EYS: variants seen among roughly 807,000 people sequenced by gnomAD.
EYS encodes the protein EGF-like photoreceptor maintenance factor.
Under a neutral mutation model 282.1 loss-of-function variants are expected in EYS, and 250 were observed. That is an observed-to-expected ratio of 0.89 (90% CI 0.80 to 0.98). EYS has a LOEUF of 0.98. EYS is among the 50% of genes least tolerant of loss of function. The pLI is 0.00. For synonymous variants in EYS, 1,355 were observed against 1,282.9 expected (o/e 1.06, Z -1.20); for missense variants, 4,016 against 3,709.0 (o/e 1.08, Z -2.15).
intron 2 of EYS, among the ~76,000 whole-genome samples, chr6:65,624,993 T>C (rs1766645905): frequency 6.6e-6 from 1 of 152,126 alleles, no homozygotes; most frequent in South Asian, 2.1e-4. Context: ...ATTAATGTTG[T>C]TCCTCTAGTG....
At chr6:65,110,863 A>G (rs1315442755) in intron 12 of EYS, among the ~76,000 whole-genome samples, 1 of 152,160 alleles carries the variant, frequency 6.6e-6, no homozygotes, top group Non-Finnish European at 1.5e-5. Flanking sequence ...TAAAATTTAT[A>G]TATTAGAAAG....
At chr6:64,381,598 G>A (rs1418572154) in intron 29 of EYS, among the ~76,000 whole-genome samples, 4 of 152,038 alleles carry the variant, frequency 2.6e-5, no homozygotes, top group African/African-American at 4.8e-5. Context: ...GTAAGTGGAC[G>A]TTATTGTTGT....
At chr6:64,674,498 G>A (rs1769582258) in intron 22 of EYS, among the ~76,000 whole-genome samples, 1 of 151,988 alleles carries the variant, frequency 6.6e-6, no homozygotes, top group African/African-American at 2.4e-5. Context: ...AACCCTAAGA[G>A]GCAGTTCAGA....
chr6:65,000,778 A>G (rs917764883), intron 13 of EYS, among the ~76,000 whole-genome samples: 1 of 152,250 alleles, frequency 6.6e-6, no homozygotes, highest in African/African-American at 2.4e-5. Context: ...ACTCCATTAA[A>G]AAACAAACAA....
intron 12 of EYS, among the ~76,000 whole-genome samples, chr6:65,132,187 A>C (rs1016439194): frequency 6.6e-6 from 1 of 152,034 alleles, no homozygotes; most frequent in Non-Finnish European, 1.5e-5. Context: ...ATTGAGGAGG[A>C]GGGATTCCTT....
chr6:65,618,070 T>G (rs1425377290), intron 2 of EYS, among the ~76,000 whole-genome samples: 2 of 152,298 alleles, frequency 1.3e-5, no homozygotes, highest in South Asian at 2.1e-4. Context: ...ATATACCCAG[T>G]AATGGGATGG....
chr6:65,371,729 CTCTCTCTCTCTCTGTGTGTG>C lies in EYS; in HGVS notation c.1299+12637_1299+12656del, dbSNP rs775714496. Among the ~76,000 whole-genome samples the C allele has an allele frequency of 6.0e-3, 357 of 59,612 alleles. 3 individuals carry two copies. Among genetic ancestry groups the C allele is most frequent in the Non-Finnish European group, 9.5e-3 (222 of 23,280 alleles). The allele number at this position is 59,612 out of a possible 152,430, so 39.1% of individuals were successfully genotyped here. On this transcript the variant is annotated intron_variant, in intron 8 of 42. Transcript: ENST00000503581. ...TCTCCCTCTCTCTCTCTCTCTCTCT[CTCTCTCTCTCTCTGTGTGTG>C]TGTGTGTGTGTGTGTGTGTGTGTGT...
At chr6:64,592,330 G>A (rs967819921) in intron 25 of EYS, among the ~76,000 whole-genome samples, 4 of 152,102 alleles carry the variant, frequency 2.6e-5, no homozygotes, top group African/African-American at 9.7e-5. Flanking sequence ...ACCAATGAAT[G>A]TTTGACCCAT....
rs536291244 is a variant in EYS at position 64,390,207 on chromosome 6, G to A, written c.5928-1367C>T. On this transcript the variant is annotated intron_variant, in intron 28 of 42. Coordinates refer to ENST00000503581, the MANE Select transcript of EYS (RefSeq NM_001142800.2). Reference sequence around the variant, plus strand: ...CAGCGAGGCTGGGGGAGGGGTGCCCGCCATTGCCCAGGCTTGATTAGGTAA... The same window carrying A: ...CAGCGAGGCTGGGGGAGGGGTGCCCACCATTGCCCAGGCTTGATTAGGTAA... Among the ~76,000 whole-genome samples the A allele has an allele frequency of 4.7e-3, 708 of 152,206 alleles. 3 individuals are homozygous for A. The highest frequency in any genetic ancestry group is 7.4e-3 in the African/African-American group (306 of 41,544).
At chr6:64,171,237 C>T (rs1443985336) in intron 31 of EYS, among the ~76,000 whole-genome samples, 3 of 152,148 alleles carry the variant, frequency 2.0e-5, no homozygotes, top group Non-Finnish European at 4.4e-5. Flanking sequence ...ATACTCTTGA[C>T]TGTTTCTCTG....
intron 14 of EYS, among the ~76,000 whole-genome samples, chr6:64,952,453 T>C (rs189725977): frequency 6.6e-6 from 1 of 151,982 alleles, no homozygotes; most frequent in Non-Finnish European, 1.5e-5. Context: ...TAGTGTAATA[T>C]CTAACATAGT....
Position 64,296,573 on chromosome 6 carries a change from TATATATATATACATATATATATA to T in EYS, c.6191+10374_6191+10396del, listed in dbSNP as rs1769013199. ...ATATATATATATATATATATATATA[TATATATATATACATATATATATA>T]TATTTTTTTTTTTTTTTTTTTTTTT... On this transcript the variant is annotated intron_variant, in intron 30 of 42. Coordinates refer to ENST00000503581, the MANE Select transcript of EYS (RefSeq NM_001142800.2). Among the ~76,000 whole-genome samples, 46 of 7,924 alleles carry T rather than the reference TATATATATATACATATATATATA, an allele frequency of 5.8e-3. 1 individual carries two copies. The highest frequency in any genetic ancestry group is 0.019 in the African/African-American group (42 of 2,180). The allele number at this position is 7,924 out of a possible 152,430, so 5.2% of individuals were successfully genotyped here.
intron 8 of EYS, among the ~76,000 whole-genome samples, chr6:65,356,124 A>T (rs538197223): frequency 6.6e-6 from 1 of 152,068 alleles, no homozygotes; most frequent in Non-Finnish European, 1.5e-5. Flanking sequence ...TTATACACAC[A>T]TACACATACA....
At chr6:64,111,367 G>A (rs115176368) in intron 31 of EYS, among the ~76,000 whole-genome samples, 1 of 151,994 alleles carries the variant, frequency 6.6e-6, no homozygotes, top group Admixed American at 6.6e-5. Flanking sequence ...GAGAAAAAGA[G>A]GCTATAGGAG....
At chr6:64,791,711 T>C (rs1423325491) in intron 22 of EYS, among the ~76,000 whole-genome samples, 1 of 151,898 alleles carries the variant, frequency 6.6e-6, no homozygotes, top group Non-Finnish European at 1.5e-5. Context: ...TGTAAACTAA[T>C]AAATACTAAT....
chr6:64,313,804 G>A (rs1769824834), intron 29 of EYS, among the ~76,000 whole-genome samples: 1 of 152,112 alleles, frequency 6.6e-6, no homozygotes, highest in Non-Finnish European at 1.5e-5. Context: ...ATTCATTACA[G>A]ACAAGCAAAT....
intron 30 of EYS, among the ~76,000 whole-genome samples, chr6:64,281,857 AAAGT>A (rs1768321082): frequency 6.6e-6 from 1 of 152,144 alleles, no homozygotes; most frequent in Non-Finnish European, 1.5e-5. Flanking sequence ...GCAAATATAG[AAAGT>A]AAGAAGATTG....
chr6:64,330,210 G>A lies in EYS; in HGVS notation c.6079-23128C>T, dbSNP rs146072643. Among the ~76,000 whole-genome samples, 653 of 152,300 alleles carry A rather than the reference G, an allele frequency of 4.3e-3. 5 individuals are homozygous for A. The highest frequency in any genetic ancestry group is 0.015 in the African/African-American group (617 of 41,560). On this transcript the variant is annotated intron_variant, in intron 29 of 42. Coordinates refer to ENST00000503581, the MANE Select transcript of EYS (RefSeq NM_001142800.2). ...GTGTCTAAGGAAAAGGCACAAATCT[G>A]TGGCCAAAGAGCAAGGTATCTTGGC...
chr6:63,733,793 T>G (rs562539195), intron 41 of EYS, among the ~76,000 whole-genome samples: 1 of 152,128 alleles, frequency 6.6e-6, no homozygotes, highest in Non-Finnish European at 1.5e-5. Flanking sequence ...GAGATCCAAA[T>G]ATTTTTATAA....
Sources: allele counts gnomAD v4.1 joint callset (sites outside exome capture counted in the v4.1 genomes callset), GRCh38; gene constraint gnomAD v4.1.1; transcripts MANE v1.5; gene names NCBI Gene and HGNC (gene_info 2026-07-23, HGNC 2026-07-21).